IFNAR1: variants seen among roughly 807,000 people sequenced by gnomAD.
IFNAR1 encodes the protein interferon alpha and beta receptor subunit 1.
In IFNAR1, 47 loss-of-function variants were observed where a neutral mutation model predicts 62.1. The ratio of observed to expected loss-of-function variants is 0.76; its 90% confidence interval spans 0.60 to 0.97. The LOEUF is 0.97. Among genes scored for constraint, IFNAR1 ranks in the 50% least tolerant of loss-of-function variants. The probability of loss-of-function intolerance (pLI) is 0.00; values close to 1 mark genes in which losing one functional copy is unlikely to be tolerated. For missense variants in IFNAR1, 638 were observed against 654.5 expected, an observed-to-expected ratio of 0.97 and a Z score of 0.27; for synonymous variants, 219 against 226.9, an observed-to-expected ratio of 0.97 and a Z score of 0.31.
intron 6 of IFNAR1, among the ~76,000 whole-genome samples, chr21:33,346,676 A>T (rs2083350739): frequency 6.6e-6 from 1 of 152,258 alleles, no homozygotes; most frequent in African/African-American, 2.4e-5. Flanking sequence ...AAAAATTGAA[A>T]GCAGTTAGCC....
Position 33,359,360 on chromosome 21 carries a change from G to A in IFNAR1, c.*3811G>A, listed in dbSNP as rs2123286842. 1 of 152,268 alleles carries A rather than the reference G, an allele frequency of 6.6e-6. No individual in the cohort carries two copies. The highest frequency in any genetic ancestry group is 1.9e-4 in the East Asian group (1 of 5,180). 9.4% of individuals were successfully genotyped at this position (152,268 alleles called of 1,614,324 possible). Reference sequence around the variant, plus strand: ...TGTATGCAACAGAGATGCTGCAGCTGATGCCTTTAAAAGGTATTCATCATG... The same window carrying A: ...TGTATGCAACAGAGATGCTGCAGCTAATGCCTTTAAAAGGTATTCATCATG... On this transcript the variant is annotated 3_prime_UTR_variant, in exon 11 of 11. Coordinates refer to ENST00000270139, the MANE Select transcript of IFNAR1 (RefSeq NM_000629.3).
At chr21:33,336,322 A>G (rs1427462186) in intron 2 of IFNAR1, among the ~76,000 whole-genome samples, 1 of 129,484 alleles carries the variant, frequency 7.7e-6, no homozygotes, top group Non-Finnish European at 1.6e-5. Context: ...CCAGTCTATC[A>G]TTGTTGGACA....
intron 6 of IFNAR1, among the ~76,000 whole-genome samples, chr21:33,348,841 T>C (rs1351418413): frequency 6.6e-6 from 1 of 152,054 alleles, no homozygotes; most frequent in African/African-American, 2.4e-5. Context: ...CTTGCAGCAT[T>C]CCTGGAAATT....
At position 33,349,446 on chromosome 21, in the gene IFNAR1, A is replaced by G. The variant is rs1424475446; in HGVS notation, c.1046A>G (p.Tyr349Cys). The change falls in exon 8 of 11, where the codon TAT becomes TGT. Residue 349 changes from tyrosine (Y) to cysteine (C), a missense_variant. Tyr to Cys is a radical substitution (Grantham distance 194). Transcript: ENST00000270139. ...IRSLSDSFHI[Y>C]IGAPKQSGNT... ...TCCCTTAGTGATTCATTCCATATCT[A>G]TATCGGTGCTCCAAAACAGTCTGGA... is the stretch of plus-strand genomic sequence containing the variant. 1.9e-6 allele frequency: 3 copies of G among 1,611,038 alleles called. No homozygotes were observed. The highest frequency in any genetic ancestry group is 2.2e-5 in the South Asian group (2 of 90,944).
rs945758515 is a variant in IFNAR1, at chr21:33,355,228, T to G, written c.1441-88T>G. ...GAAGATAGGTTTTCTCAGTAATGGA[T>G]GTAAGAAACTAAAGCTATTACAACT... On this transcript the variant is annotated intron_variant, in intron 10 of 10. Coordinates refer to ENST00000270139, the MANE Select transcript of IFNAR1 (RefSeq NM_000629.3). 56 of 676,326 alleles carry G rather than the reference T, an allele frequency of 8.3e-5. No homozygotes were observed. The East Asian group carries it at 1.6e-3, about 19-fold the overall frequency. 41.9% of individuals were successfully genotyped at this position (676,326 alleles called of 1,614,324 possible). A position where few individuals can be genotyped will look rare whatever the true frequency, so the allele number is the denominator to read the frequency against.
At chr21:33,327,976 C>T (rs572249611) in intron 1 of IFNAR1, among the ~76,000 whole-genome samples, 2 of 152,136 alleles carry the variant, frequency 1.3e-5, no homozygotes, top group Non-Finnish European at 2.9e-5. Context: ...GTTGTGGAGA[C>T]CAAAATTTTA....
chr21:33,346,150 G>T (rs948357647), intron 6 of IFNAR1, among the ~76,000 whole-genome samples: 1 of 152,190 alleles, frequency 6.6e-6, no homozygotes, highest in Non-Finnish European at 1.5e-5. Context: ...AGTTTATATT[G>T]ATTGGAAAAT....
chr21:33,352,134 G>A (rs183068634), intron 8 of IFNAR1, among the ~76,000 whole-genome samples: 10 of 152,108 alleles, frequency 6.6e-5, no homozygotes, highest in Non-Finnish European at 1.2e-4. Context: ...TAATAAGGCA[G>A]TTTGAGGCCA....
Position 33,355,461 on chromosome 21 carries a change from C to G in IFNAR1, c.1586C>G (p.Ser529Cys). The change falls in exon 11 of 11, where the codon TCC becomes TGC. Residue 529 changes from serine to cysteine, a missense_variant. By Grantham distance (112) the Ser-to-Cys change is moderately radical (BLOSUM62 -1). Coordinates refer to ENST00000270139, the MANE Select transcript of IFNAR1 (RefSeq NM_000629.3). Reference sequence around the variant, plus strand: ...GATGAAGATCATAAAAAATACAGTTCCCAAACTAGCCAAGATTCAGGAAAT... The same window carrying G: ...GATGAAGATCATAAAAAATACAGTTGCCAAACTAGCCAAGATTCAGGAAAT... Reference protein sequence around the residue: ...QTDEDHKKYSSQTSQDSGNYS... With the variant: ...QTDEDHKKYSCQTSQDSGNYS... 6.2e-7 allele frequency: 1 copy of G among 1,606,942 alleles called. No homozygotes were observed. The highest frequency in any genetic ancestry group is 8.5e-7 in the Non-Finnish European group (1 of 1,176,538).
chr21:33,325,227 C>T, intron 1 of IFNAR1, 96 bp downstream of exon 1: 1 of 1,074,558 alleles, frequency 9.3e-7, no homozygotes, highest in Admixed American at 2.0e-5. Context: ...GACAGACGCC[C>T]AGTCTGGGAA....
At chr21:33,346,690 A>G (rs1290664203) in intron 6 of IFNAR1, among the ~76,000 whole-genome samples, 1 of 152,240 alleles carries the variant, frequency 6.6e-6, no homozygotes, top group Non-Finnish European at 1.5e-5. Context: ...GTTAGCCAAC[A>G]TTGCAAAGTG....
At chr21:33,324,679 G>T, upstream of IFNAR1, 1 of 232,882 alleles carries the variant, frequency 4.3e-6, no homozygotes, top group African/African-American at 2.2e-5. Flanking sequence ...CCTCCTGTGA[G>T]GGGGAGTCGT....
chr21:33,336,483 C>T (rs2083236648), intron 2 of IFNAR1, among the ~76,000 whole-genome samples: 1 of 149,258 alleles, frequency 6.7e-6, no homozygotes, highest in Non-Finnish European at 1.5e-5. Context: ...GTTCTAGATC[C>T]CTGAGGAATC....
chr21:33,350,153 C>G (rs757144649), intron 8 of IFNAR1, among the ~76,000 whole-genome samples: 9 of 150,758 alleles, frequency 6.0e-5, no homozygotes, highest in Admixed American at 4.7e-4. Flanking sequence ...ATTCTCAGCA[C>G]TATTGACGTT....
At chr21:33,327,391 A>T (rs2083136222) in intron 1 of IFNAR1, among the ~76,000 whole-genome samples, 1 of 152,154 alleles carries the variant, frequency 6.6e-6, no homozygotes, top group Non-Finnish European at 1.5e-5. Flanking sequence ...TAAAGGTATA[A>T]ACTCATTAAG....
At chr21:33,345,974 C>T (rs2083341825) in intron 6 of IFNAR1, among the ~76,000 whole-genome samples, 1 of 152,220 alleles carries the variant, frequency 6.6e-6, no homozygotes, top group South Asian at 2.1e-4. Flanking sequence ...GTCCCAGCTA[C>T]TCAGTGGGCT....
At chr21:33,338,901 C>G (rs1403445063) in intron 2 of IFNAR1, among the ~76,000 whole-genome samples, 5 of 151,832 alleles carry the variant, frequency 3.3e-5, no homozygotes, top group Non-Finnish European at 7.4e-5. Flanking sequence ...CACCCCCACG[C>G]CCGGCTAATT....
intron 5 of IFNAR1, among the ~76,000 whole-genome samples, chr21:33,344,794 T>G (rs559027486): frequency 6.7e-6 from 1 of 149,926 alleles, no homozygotes; most frequent in African/African-American, 2.5e-5. Context: ...ATTTATTTAT[T>G]TATTTATTTT....
chr21:33,349,934 A>T (rs2083384894), intron 8 of IFNAR1, among the ~76,000 whole-genome samples: 1 of 151,708 alleles, frequency 6.6e-6, no homozygotes, highest in Admixed American at 6.6e-5. Context: ...AAAAAAAAAA[A>T]TGTGATTAAC....
Sources: allele counts gnomAD v4.1 joint callset (sites outside exome capture counted in the v4.1 genomes callset), GRCh38; gene constraint gnomAD v4.1.1; transcripts MANE v1.5; gene names NCBI Gene and HGNC (gene_info 2026-07-23, HGNC 2026-07-21).